AARSD1: variants seen among roughly 807,000 people sequenced by gnomAD.
AARSD1 encodes the protein alanyl-tRNA editing protein Aarsd1.
In AARSD1, 44 loss-of-function variants were observed where a neutral mutation model predicts 48.7. The observed-to-expected ratio is 0.90, with a 90% confidence interval of 0.71 to 1.16. The LOEUF is 1.16. Among genes scored for constraint, AARSD1 ranks in the 50% most tolerant of loss-of-function variants. The probability of loss-of-function intolerance (pLI) is 0.00; values close to 1 mark genes in which losing one functional copy is unlikely to be tolerated. For missense variants in AARSD1, 511 were observed against 523.1 expected (o/e 0.98, Z 0.23); for synonymous variants, 189 against 194.9 (o/e 0.97, Z 0.25).
intron 10 of AARSD1, among the ~76,000 whole-genome samples, chr17:42,953,328 C>T (rs1029538446): frequency 6.6e-6 from 1 of 151,962 alleles, no homozygotes; most frequent in Non-Finnish European, 1.5e-5. Flanking sequence ...GTTGGCTAGG[C>T]TGGTCTCCTG....
rs756164870 is a variant in AARSD1 at position 42,964,233 on chromosome 17, G to C, written c.44C>G (p.Thr15Ser). 6.2e-6 allele frequency: 10 copies of C among 1,613,272 alleles called. No individual in the cohort carries two copies. In the East Asian group the frequency reaches 2.2e-4, roughly 36 times the overall value. ...GGGACAGCAGGAGACCACGGTGGTG[G>C]TGAACTGAACAGAGAGGAATGAGAG... is the stretch of plus-strand genomic sequence containing the variant. ...CQRDSYAREF[T>S]TTVVSCCPAE... Residue 15 changes from threonine (T) to serine (S), a missense_variant, in exon 2 of 12, where the codon ACC (threonine) becomes AGC (serine). Physicochemically the swap from Thr to Ser is moderately conservative, Grantham distance 58. Coordinates refer to ENST00000427569, the MANE Select transcript of AARSD1 (RefSeq NM_001261434.2).
chr17:42,956,314 C>T lies in AARSD1; in HGVS notation c.553G>A (p.Gly185Ser). The T allele has an allele frequency of 1.2e-6, 2 of 1,614,158 alleles. No individual in the cohort carries two copies. The highest frequency in any genetic ancestry group is 1.1e-5 in the South Asian group (1 of 91,084). Residue 185 changes from glycine to serine, a missense_variant, in exon 6 of 12, where the codon GGC becomes AGC. Coordinates refer to ENST00000427569, the MANE Select transcript of AARSD1 (RefSeq NM_001261434.2). The stretch of plus-strand genomic sequence containing the variant: ...GCATGATCATCAGGCAAACCCCGGC[C>T]ACTCACCTGGACTCAAGGAGAGGGG... ...LDDPEVEQVSGRGLPDDHAGP... is the reference protein window; with the variant it reads ...LDDPEVEQVSSRGLPDDHAGP...
chr17:42,957,194 C>A lies in AARSD1; in HGVS notation c.333G>T (p.Gly111=), dbSNP rs772957256. 5.0e-6 allele frequency: 8 copies of A among 1,613,574 alleles called. No homozygotes were observed. In the African/African-American group the frequency reaches 1.1e-4, roughly 22 times the overall value. The change falls in exon 4 of 12, where the codon GGG becomes GGT. Residue 111 remains glycine (G), a splice_region_variant and synonymous_variant. Coordinates refer to ENST00000427569, the MANE Select transcript of AARSD1 (RefSeq NM_001261434.2). The stretch of plus-strand genomic sequence containing the variant: ...CAGCAACTGCCGTGATGAGATGCTG[C>A]CCTAAGCAAAGAGAGCCAGAGACAG... ...RRFDHMQQHS[G]QHLITAVADH...
At chr17:42,964,005 C>T (rs1430020963) in intron 2 of AARSD1, 101 bp downstream of exon 2, 6 of 1,545,574 alleles carry the variant, frequency 3.9e-6, no homozygotes, top group Non-Finnish European at 4.4e-6. Flanking sequence ...TAAACTAAAG[C>T]TCATCTGAAT....
At chr17:42,959,307 C>T (rs1159377406) in intron 3 of AARSD1, among the ~76,000 whole-genome samples, 1 of 151,272 alleles carries the variant, frequency 6.6e-6, no homozygotes, top group Non-Finnish European at 1.5e-5. Flanking sequence ...CCACCTCTGG[C>T]TCCTGGGTTC....
chr17:42,956,832 TA>T (rs1206528450), intron 4 of AARSD1, among the ~76,000 whole-genome samples: 3 of 148,390 alleles, frequency 2.0e-5, no homozygotes, highest in African/African-American at 7.4e-5. Flanking sequence ...CACGCCCGGC[TA>T]ATTTTTTGTA....
At position 42,956,214 on chromosome 17, in the gene AARSD1, C is replaced by A; in HGVS notation, c.653G>T (p.Ser218Ile). 1 of 1,614,130 alleles carries A rather than the reference C, an allele frequency of 6.2e-7. No homozygotes were observed. The highest frequency in any genetic ancestry group is 8.5e-7 in the Non-Finnish European group (1 of 1,180,026). ...MCCGTHVSNL[S>I]DLQVIKILGT... ...CCGTTCCTCACTTACCTGAAGGTCA[C>A]TGAGATTGCTCACATGGGTCCCACA... Residue 218 changes from serine (S) to isoleucine (I), a missense_variant, in exon 6 of 12, where the codon AGT (serine) becomes ATT (isoleucine). Ser to Ile is a moderately radical substitution (Grantham distance 142). Transcript: ENST00000427569.
chr17:42,956,069 C>T (rs2049546196), intron 6 of AARSD1, 97 bp from the exon 7 acceptor site: 2 of 1,609,272 alleles, frequency 1.2e-6, no homozygotes, highest in East Asian at 2.2e-5. Flanking sequence ...CCTATCTGTT[C>T]CTCAGCTCTG....
intron 8 of AARSD1, 59 bp downstream of exon 8, chr17:42,955,099 C>T (rs750527780): frequency 8.1e-6 from 13 of 1,613,570 alleles, no homozygotes; most frequent in Non-Finnish European, 1.1e-5. Flanking sequence ...AAGACCAAGT[C>T]TGCAGAGCCT....
chr17:42,964,454 TGAG>T, upstream of AARSD1: 1 of 1,550,524 alleles, frequency 6.4e-7, no homozygotes, highest in Non-Finnish European at 8.7e-7. Flanking sequence ...TGCAGGCGTG[TGAG>T]GAGGCGCACG....
rs1420107823 is a variant in AARSD1 at position 42,956,510 on chromosome 17, G to A, written c.440C>T (p.Thr147Ile). Residue 147 changes from threonine (T) to isoleucine (I), a missense_variant, in exon 5 of 12, where the codon ACT becomes ATT. By Grantham distance (89) the Thr-to-Ile change is moderately conservative. Coordinates refer to ENST00000427569, the MANE Select transcript of AARSD1 (RefSeq NM_001261434.2). ...CTCAATGGCAGCTACTTGCTCTGCA[G>A]TCATAGAGGGGGTGTCCAGCTCAAT... is the stretch of plus-strand genomic sequence containing the variant. ...SAIELDTPSMTAEQVAAIEQS... is the reference protein window; with the variant it reads ...SAIELDTPSMIAEQVAAIEQS... 1.2e-6 allele frequency: 2 copies of A among 1,614,064 alleles called. No homozygotes were observed. The highest frequency in any genetic ancestry group is 1.7e-5 in the Admixed American group (1 of 59,984).
Position 42,953,734 on chromosome 17 carries a change from A to T in AARSD1, c.998T>A (p.Ile333Asn). ...SEFMNIIANE[I>N]GSEETLLFLT... is the part of the protein sequence containing the mutation. ...TCATGCTCCTCTTACCTCTGACCCA[A>T]TCTCATTGGCAATGATATTCATGAA... is the stretch of plus-strand genomic sequence containing the variant. Residue 333 changes from isoleucine (I) to asparagine (N), a missense_variant, in exon 10 of 12, where the codon ATT (isoleucine) becomes AAT (asparagine). Ile to Asn is a moderately radical substitution (Grantham distance 149). Coordinates refer to ENST00000427569, the MANE Select transcript of AARSD1 (RefSeq NM_001261434.2). 1.9e-6 allele frequency: 3 copies of T among 1,613,984 alleles called. No homozygotes were observed. The highest frequency in any genetic ancestry group is 1.1e-5 in the South Asian group (1 of 91,070).
At position 42,950,708 on chromosome 17, in the gene AARSD1, C is replaced by T. The variant is rs2049468127; in HGVS notation, c.1124G>A (p.Gly375Asp). The change falls in exon 12 of 12, where the codon GGC becomes GAC. Residue 375 changes from glycine (G) to aspartate (D), a missense_variant. Gly to Asp is a moderately conservative substitution (Grantham distance 94). Coordinates refer to ENST00000427569, the MANE Select transcript of AARSD1 (RefSeq NM_001261434.2). ...ACGGCCTTTCTTCCCTGCTCCTTTGCCTTCCAGGACCTCAGCCACCCTGGG... is the reference window on the plus strand; with the variant it reads ...ACGGCCTTTCTTCCCTGCTCCTTTGTCTTCCAGGACCTCAGCCACCCTGGG... ...LGPRVAEVLE[G>D]KGAGKKGRFQ... is the part of the protein sequence containing the mutation. The T allele has an allele frequency of 6.2e-7, 1 of 1,613,566 alleles. No individual in the cohort carries two copies. The highest frequency in any genetic ancestry group is 8.5e-7 in the Non-Finnish European group (1 of 1,179,988).
In AARSD1 at chr17:42,964,334, G is replaced by C. The variant is rs552413087; in HGVS notation, c.39+68C>G. On this transcript the variant is annotated intron_variant, in intron 1 of 11. Transcript: ENST00000427569. ...AATGCCATGTTGGCACTCCCTACAC[G>C]TGGCGCCCTCTTCCCCAAACCGCCT... 21 of 1,586,926 alleles carry C rather than the reference G, an allele frequency of 1.3e-5. No homozygotes were observed. In the East Asian group the frequency reaches 4.3e-4, roughly 33 times the overall value.
At chr17:42,955,692 C>T (rs1431198920) in intron 7 of AARSD1, 150 bp downstream of exon 7, 20 of 1,372,544 alleles carry the variant, frequency 1.5e-5, no homozygotes, top group Admixed American at 6.6e-5. Flanking sequence ...CCGCCCACCT[C>T]GGCCTCCCAA....
rs546318636 is a variant in AARSD1, at chr17:42,964,408, G to A, written c.33C>T (p.Ala11=). ...CCTCGCCGTGACGCCGTACCTCTCGGGCATAACTGTCACGCTGACACCAGA... is the reference window on the plus strand; with the variant it reads ...CCTCGCCGTGACGCCGTACCTCTCGAGCATAACTGTCACGCTGACACCAGA... MAFWCQRDSY[A]REFTTTVVSC... is the part of the protein sequence containing the mutation. Residue 11 remains alanine (A), a synonymous_variant, in exon 1 of 12, where the codon GCC becomes GCT. Transcript: ENST00000427569. The A allele has an allele frequency of 1.3e-6, 2 of 1,551,444 alleles. No homozygotes were observed. The highest frequency in any genetic ancestry group is 2.0e-5 in the Admixed American group (1 of 51,048).
rs1218337183 is a variant in AARSD1 at position 42,964,117 on chromosome 17, C to T, written c.160G>A (p.Gly54Ser). ...GATCGTTTTGGTACCTGTCCCCCGCCCTCAGGGAAAAGCACTGTGTCTTCC... is the reference window on the plus strand; with the variant it reads ...GATCGTTTTGGTACCTGTCCCCCGCTCTCAGGGAAAAGCACTGTGTCTTCC... Reference protein sequence around the residue: ...VLEDTVLFPEGGGQPDDRGTI... With the variant: ...VLEDTVLFPESGGQPDDRGTI... Residue 54 changes from glycine to serine, a missense_variant, in exon 2 of 12, where the codon GGC becomes AGC. Transcript: ENST00000427569. 1.2e-6 allele frequency: 2 copies of T among 1,614,210 alleles called. No homozygotes were observed. Among genetic ancestry groups the T allele is most frequent in the South Asian group, 1.1e-5 (1 of 91,088 alleles).
chr17:42,964,340 C>T, intron 1 of AARSD1, 62 bp downstream of exon 1: 1 of 1,585,272 alleles, frequency 6.3e-7, no homozygotes, highest in East Asian at 2.3e-5. Context: ...ACACGTGGCG[C>T]CCTCTTCCCC....
chr17:42,954,016 A>T (rs1297116559), intron 9 of AARSD1: 1 of 552,298 alleles, frequency 1.8e-6, no homozygotes, highest in Non-Finnish European at 3.3e-6. Context: ...CACCAGGATA[A>T]GCAGAAATCT....
Sources: gnomAD v4.1 joint callset for allele counts (sites outside exome capture counted in the v4.1 genomes callset) on GRCh38, gnomAD v4.1.1 for gene constraint, MANE v1.5 for transcripts, NCBI Gene and HGNC (gene_info 2026-07-23, HGNC 2026-07-21) for gene names.